ANKRD18A: variants seen among roughly 807,000 people sequenced by gnomAD.
ANKRD18A encodes the protein ankyrin repeat domain-containing protein 18A.
Under a neutral mutation model 110.6 loss-of-function variants are expected in ANKRD18A, and 72 were observed. That is an observed-to-expected ratio of 0.65 (90% CI 0.54 to 0.79). The LOEUF is 0.79. Ranked by LOEUF, ANKRD18A falls within the 30% of genes least tolerant of loss-of-function variation. The probability of loss-of-function intolerance (pLI) is 0.00; values close to 1 mark genes in which losing one functional copy is unlikely to be tolerated. For synonymous variants in ANKRD18A, 305 were observed against 410.3 expected, an observed-to-expected ratio of 0.74 and a Z score of 3.10; for missense variants, 934 against 1,163.3, an observed-to-expected ratio of 0.80 and a Z score of 2.87.
chr9:38,617,080 C>T (rs1436070149), intron 1 of ANKRD18A, among the ~76,000 whole-genome samples: 1 of 152,140 alleles, frequency 6.6e-6, no homozygotes, highest in African/African-American at 2.4e-5. Flanking sequence ...CCTCAAAGTA[C>T]CATGGGGAAA....
intron 11 of ANKRD18A, among the ~76,000 whole-genome samples, chr9:38,586,760 C>T (rs948681476): frequency 1.3e-5 from 2 of 151,934 alleles, no homozygotes; most frequent in Non-Finnish European, 2.9e-5. Flanking sequence ...AGATGGGGTT[C>T]ACCATGTTGG....
At chr9:38,620,046 C>G in intron 1 of ANKRD18A, 34 bp downstream of exon 1, 1 of 1,547,250 alleles carries the variant, frequency 6.5e-7, no homozygotes, top group South Asian at 1.2e-5. Context: ...GGGCCTGCGG[C>G]CCCCTCCCAC....
chr9:38,609,219 C>T (rs1825490422), intron 5 of ANKRD18A, among the ~76,000 whole-genome samples: 1 of 152,070 alleles, frequency 6.6e-6, no homozygotes, highest in Non-Finnish European at 1.5e-5. Flanking sequence ...GTGGCTCACG[C>T]CTGTAATCAC....
chr9:38,591,804 G>A (rs576372712), intron 10 of ANKRD18A, among the ~76,000 whole-genome samples: 94 of 152,278 alleles, frequency 6.2e-4, no homozygotes, highest in Non-Finnish European at 1.0e-3. Flanking sequence ...CCTGGATTGA[G>A]TAGTACATAA....
intron 5 of ANKRD18A, among the ~76,000 whole-genome samples, chr9:38,609,075 T>C (rs1249996076): frequency 6.6e-6 from 1 of 152,118 alleles, no homozygotes; most frequent in Non-Finnish European, 1.5e-5. Context: ...ATTTTTAGTG[T>C]TGGGGGAAGG....
intron 4 of ANKRD18A, among the ~76,000 whole-genome samples, chr9:38,610,921 CT>C (rs904402012): frequency 2.0e-5 from 3 of 150,876 alleles, no homozygotes; most frequent in Non-Finnish European, 4.4e-5. Flanking sequence ...AAAGTCTACA[CT>C]TCATAAAATT....
chr9:38,584,199 T>C (rs1824278249), intron 12 of ANKRD18A, among the ~76,000 whole-genome samples: 1 of 152,214 alleles, frequency 6.6e-6, no homozygotes, highest in Non-Finnish European at 1.5e-5. Flanking sequence ...TAATTTTTCC[T>C]GGTCATGAGA....
intron 5 of ANKRD18A, among the ~76,000 whole-genome samples, chr9:38,609,775 G>A (rs1194403320): frequency 6.6e-6 from 1 of 151,984 alleles, no homozygotes; most frequent in East Asian, 1.9e-4. Flanking sequence ...AGGCATAGGA[G>A]GTAGCCCTAG....
chr9:38,577,836 C>T, intron 13 of ANKRD18A, 31 bp downstream of exon 13: 4 of 1,559,950 alleles, frequency 2.6e-6, no homozygotes, highest in Non-Finnish European at 3.5e-6. Flanking sequence ...AAGCCCATTA[C>T]AGATAAACTT....
intron 9 of ANKRD18A, among the ~76,000 whole-genome samples, chr9:38,594,165 CA>C (rs1351059617): frequency 6.6e-6 from 1 of 152,196 alleles, no homozygotes; most frequent in Non-Finnish European, 1.5e-5. Context: ...ACCCTCAACT[CA>C]ACCTGAGTTC....
Position 38,610,358 on chromosome 9 carries a change from G to A in ANKRD18A, c.655C>T (p.Leu219=), listed in dbSNP as rs759904500. ...GAGATACGTATATTTTGTTGAAGCA[G>A]GAGGGTGACGATACTTGACAAGTTA... is the stretch of plus-strand genomic sequence containing the variant. ...QHNLSSIVTL[L]LQQNIRISSQ... Residue 219 remains leucine, a synonymous_variant, in exon 5 of 16, where the codon CTG becomes TTG. Coordinates refer to ENST00000399703, the MANE Select transcript of ANKRD18A (RefSeq NM_147195.4). The A allele has an allele frequency of 3.8e-5, 59 of 1,551,000 alleles. No individual in the cohort carries two copies. The Admixed American group carries it at 7.3e-4, about 19-fold the overall frequency.
chr9:38,616,778 T>C (rs538521392), intron 1 of ANKRD18A, among the ~76,000 whole-genome samples: 1 of 152,342 alleles, frequency 6.6e-6, no homozygotes. Context: ...ATATTACTAG[T>C]ATTTAACAAA....
At chr9:38,597,956 G>GT (rs1345737797) in intron 8 of ANKRD18A, among the ~76,000 whole-genome samples, 6 of 152,146 alleles carry the variant, frequency 3.9e-5, no homozygotes, top group Admixed American at 3.3e-4. Flanking sequence ...ATATGTGAAA[G>GT]TATGTGTATT....
intron 12 of ANKRD18A, among the ~76,000 whole-genome samples, chr9:38,581,745 T>G (rs1472937573): frequency 6.6e-6 from 1 of 152,222 alleles, no homozygotes; most frequent in Non-Finnish European, 1.5e-5. Flanking sequence ...TGCTTCTCTA[T>G]AGCACACAAC....
Position 38,577,039 on chromosome 9 carries a change from A to T in ANKRD18A, c.2741+14T>A, listed in dbSNP as rs1173186260. Reference sequence around the variant, plus strand: ...AGCTGAATTCATTTTCTATGAGTGTATGTTTTGACTTACTTCATTAATTTT... The same window carrying T: ...AGCTGAATTCATTTTCTATGAGTGTTTGTTTTGACTTACTTCATTAATTTT... On this transcript the variant is annotated intron_variant, in intron 14 of 15. Coordinates refer to ENST00000399703, the MANE Select transcript of ANKRD18A (RefSeq NM_147195.4). 2 of 1,541,138 alleles carry T rather than the reference A, an allele frequency of 1.3e-6. No individual in the cohort carries two copies. The highest frequency in any genetic ancestry group is 1.2e-5 in the South Asian group (1 of 81,762).
chr9:38,606,760 A>T (rs1353893445), intron 6 of ANKRD18A, among the ~76,000 whole-genome samples: 1 of 152,210 alleles, frequency 6.6e-6, no homozygotes, highest in Admixed American at 6.5e-5. Context: ...ATAAAAATTA[A>T]ATAGAAGATC....
At chr9:38,566,897 G>A (rs968662982), downstream of ANKRD18A, 1 of 152,186 alleles carries the variant, frequency 6.6e-6, no homozygotes, top group Non-Finnish European at 1.5e-5. Flanking sequence ...AACCATTCAT[G>A]AGAAATTTGC....
intron 1 of ANKRD18A, 79 bp from the exon 2 acceptor site, chr9:38,616,123 T>C: frequency 8.7e-7 from 1 of 1,154,720 alleles, no homozygotes; most frequent in Admixed American, 3.0e-5. Flanking sequence ...TTGTAAACAT[T>C]GAATGGCATT....
chr9:38,601,810 G>A (rs1403615015), intron 7 of ANKRD18A, among the ~76,000 whole-genome samples: 1 of 151,904 alleles, frequency 6.6e-6, no homozygotes, highest in Non-Finnish European at 1.5e-5. Context: ...AGAGACCATA[G>A]TGAAACCCTG....
Sources: allele counts gnomAD v4.1 joint callset (sites outside exome capture counted in the v4.1 genomes callset), GRCh38; gene constraint gnomAD v4.1.1; transcripts MANE v1.5; gene names NCBI Gene and HGNC (gene_info 2026-07-23, HGNC 2026-07-21).